The following AGBL1 variants were observed in gnomAD, a reference collection of about 807,000 sequenced individuals.
AGBL1 encodes AGBL carboxypeptidase 1, also known as cytosolic carboxypeptidase 4.
Under a neutral mutation model 118.9 loss-of-function variants are expected in AGBL1, and 130 were observed. The observed-to-expected ratio is 1.09, with a 90% CI of 0.95 to 1.26. The LOEUF (loss-of-function observed/expected upper bound fraction) is 1.26. Ranked by LOEUF, AGBL1 falls within the 50% of genes most tolerant of loss-of-function variation. The pLI, the probability that AGBL1 is intolerant of heterozygous loss-of-function variation, is 0.00. For synonymous variants in AGBL1, 555 were observed against 478.9 expected (o/e 1.16, Z -2.08); for missense variants, 1,584 against 1,298.1 (o/e 1.22, Z -3.38).
At chr15:86,433,263 C>CTTTTTTTTTTTTTTTT (rs1292975189) in intron 18 of AGBL1, among the ~76,000 whole-genome samples, 1 of 54,948 alleles carries the variant, frequency 1.8e-5, no homozygotes, top group Non-Finnish European at 3.4e-5. Flanking sequence ...CCTCCTCCTT[C>CTTTTTTTTTTTTTTTT]TTCTTTTTTT....
At position 86,821,329 on chromosome 15, in the gene AGBL1, TAAATA is replaced by T. The variant is rs993547272; in HGVS notation, c.3159-85750_3159-85746del. Among the ~76,000 whole-genome samples the T allele has an allele frequency of 2.6e-5, 4 of 152,164 alleles. No individual in the cohort carries two copies. The East Asian group carries it at 5.8e-4, about 22-fold the overall frequency. On this transcript the variant is annotated intron_variant, in intron 22 of 22. Transcript: ENST00000614907. ...TATTCCAGAACTTAAAGTATAATAA[TAAATA>T]AAATAAACATAACAACAAAAAAGCA...
At chr15:86,257,816 T>G in intron 8 of AGBL1, 148 bp from the exon 9 acceptor site, 3 of 704,234 alleles carry the variant, frequency 4.3e-6, no homozygotes, top group Non-Finnish European at 4.7e-6. Context: ...CCAATAAGCA[T>G]TTGTGTGTGG....
At chr15:86,133,772 C>G (rs2076849653) in intron 1 of AGBL1, among the ~76,000 whole-genome samples, 2 of 152,306 alleles carry the variant, frequency 1.3e-5, no homozygotes, top group South Asian at 4.1e-4. Flanking sequence ...CAGCAAAGAT[C>G]TTGTTGAGGT....
At chr15:86,616,363 A>T (rs8039877) in intron 21 of AGBL1, among the ~76,000 whole-genome samples, 130,636 of 146,786 alleles carry the variant, frequency 0.89, 58,797 homozygotes, top group East Asian at 0.99. Context: ...AAAAAAAAAA[A>T]AAAAAAAAAT....
At chr15:86,604,991 C>G (rs985156650) in intron 21 of AGBL1, among the ~76,000 whole-genome samples, 1 of 151,924 alleles carries the variant, frequency 6.6e-6, no homozygotes, top group African/African-American at 2.4e-5. Flanking sequence ...GACGGGGTTT[C>G]TCCATGTTGG....
At chr15:86,928,397 C>T (rs899572417) in intron 23 of AGBL1, among the ~76,000 whole-genome samples, 26 of 152,152 alleles carry the variant, frequency 1.7e-4, no homozygotes, top group Non-Finnish European at 5.9e-5. Flanking sequence ...ATTTTCAGGT[C>T]CCGTCTGAGT....
intron 18 of AGBL1, among the ~76,000 whole-genome samples, chr15:86,516,651 A>G (rs1358581068): frequency 6.6e-6 from 1 of 152,184 alleles, no homozygotes; most frequent in Non-Finnish European, 1.5e-5. Flanking sequence ...AATACAAAAA[A>G]TTAGCTGGGC....
At chr15:86,361,248 T>C (rs1056667372) in intron 17 of AGBL1, among the ~76,000 whole-genome samples, 1 of 152,040 alleles carries the variant, frequency 6.6e-6, no homozygotes, top group East Asian at 1.9e-4. Flanking sequence ...AATTTCCATA[T>C]ATTTTCTCAT....
At chr15:86,368,328 A>G (rs902177186) in intron 17 of AGBL1, among the ~76,000 whole-genome samples, 1 of 152,168 alleles carries the variant, frequency 6.6e-6, no homozygotes, top group Non-Finnish European at 1.5e-5. Flanking sequence ...CACTTTCAAC[A>G]TGACCCTATA....
chr15:86,934,543 A>AG (rs1009063530), intron 23 of AGBL1, among the ~76,000 whole-genome samples: 2 of 151,826 alleles, frequency 1.3e-5, no homozygotes, highest in Non-Finnish European at 2.9e-5. Flanking sequence ...TTAAAAAAAA[A>AG]AAGTAAATAG....
At chr15:86,144,542 C>T (rs958128343) in intron 3 of AGBL1, among the ~76,000 whole-genome samples, 3 of 152,152 alleles carry the variant, frequency 2.0e-5, no homozygotes, top group African/African-American at 7.2e-5. Context: ...GGCCATTATC[C>T]TTAGCAAACT....
chr15:86,553,336 A>C (rs1049618970), intron 20 of AGBL1, among the ~76,000 whole-genome samples: 1 of 152,170 alleles, frequency 6.6e-6, no homozygotes, highest in Non-Finnish European at 1.5e-5. Context: ...TAGTGGCTGG[A>C]AGATCCCTTT....
intron 20 of AGBL1, among the ~76,000 whole-genome samples, chr15:86,548,238 C>A (rs978126671): frequency 2.0e-5 from 3 of 152,110 alleles, no homozygotes; most frequent in Admixed American, 2.0e-4. Context: ...AAAAGTGGAA[C>A]AATTCTAAAC....
chr15:86,825,884 G>T (rs993735499), intron 22 of AGBL1, among the ~76,000 whole-genome samples: 28 of 106,126 alleles, frequency 2.6e-4, no homozygotes, highest in African/African-American at 9.1e-4. Context: ...ATGATAGATG[G>T]ATGGATAGAT....
intron 23 of AGBL1, among the ~76,000 whole-genome samples, chr15:86,950,667 A>G (rs930553059): frequency 1.3e-5 from 2 of 151,954 alleles, no homozygotes; most frequent in Non-Finnish European, 2.9e-5. Context: ...TGTACTTGCA[A>G]TACAGAAATC....
intron 5 of AGBL1, among the ~76,000 whole-genome samples, chr15:86,203,080 C>G (rs1409013479): frequency 1.3e-5 from 2 of 151,832 alleles, no homozygotes; most frequent in East Asian, 3.9e-4. Context: ...AGAAATCTGT[C>G]TCTGAAAATA....
At chr15:86,362,446 T>C (rs1051234934) in intron 17 of AGBL1, among the ~76,000 whole-genome samples, 4 of 152,204 alleles carry the variant, frequency 2.6e-5, no homozygotes, top group Non-Finnish European at 5.9e-5. Context: ...TTGTTTCAAC[T>C]CAAAGGACTC....
intron 18 of AGBL1, among the ~76,000 whole-genome samples, chr15:86,429,616 A>T (rs2081910975): frequency 6.6e-6 from 1 of 151,722 alleles, no homozygotes; most frequent in African/African-American, 2.4e-5. Flanking sequence ...TGAAAGCTCC[A>T]CTCTCCCTAA....
At chr15:86,415,207 A>G (rs1277151810) in intron 18 of AGBL1, among the ~76,000 whole-genome samples, 2 of 152,172 alleles carry the variant, frequency 1.3e-5, no homozygotes, top group South Asian at 4.1e-4. Flanking sequence ...CCGTTCTTGA[A>G]TATGAGCTTC....
Sources: allele counts gnomAD v4.1 joint callset (sites outside exome capture counted in the v4.1 genomes callset), GRCh38; gene constraint gnomAD v4.1.1; transcripts MANE v1.5; gene names NCBI Gene and HGNC (gene_info 2026-07-23, HGNC 2026-07-21).